PCDH9: variants seen among roughly 807,000 people sequenced by gnomAD.
PCDH9 encodes protocadherin-9.
PCDH9 carries 24 observed loss-of-function variants against 70.6 expected under a neutral mutation model. The ratio of observed to expected loss-of-function variants is 0.34; its 90% CI spans 0.25 to 0.48. The LOEUF (loss-of-function observed/expected upper bound fraction) is 0.48, where lower values mean the gene tolerates loss of function less well. Ranked by LOEUF, PCDH9 falls within the 20% of genes least tolerant of loss-of-function variation. The probability of loss-of-function intolerance (pLI) is 0.99; values close to 1 mark genes in which losing one functional copy is unlikely to be tolerated. For missense variants in PCDH9, 1,281 were observed against 1,503.6 expected, an observed-to-expected ratio of 0.85 and a Z score of 2.45; for synonymous variants, 562 against 558.5, an observed-to-expected ratio of 1.01 and a Z score of -0.09.
At chr13:66,873,509 T>C (rs2081737085) in intron 3 of PCDH9, among the ~76,000 whole-genome samples, 1 of 152,190 alleles carries the variant, frequency 6.6e-6, no homozygotes, top group African/African-American at 2.4e-5. Context: ...GATATTCTAC[T>C]GTGGTTCTCC....
chr13:66,520,114 CT>C (rs1411050631), intron 4 of PCDH9, among the ~76,000 whole-genome samples: 4 of 152,190 alleles, frequency 2.6e-5, no homozygotes, highest in African/African-American at 9.6e-5. Context: ...GCAGGGCTCT[CT>C]GTGGCTTAAA....
chr13:66,598,384 G>A (rs1480608212), intron 4 of PCDH9, among the ~76,000 whole-genome samples: 1 of 151,802 alleles, frequency 6.6e-6, no homozygotes, highest in Non-Finnish European at 1.5e-5. Context: ...CAAAAGACAA[G>A]TTGATAGAGA....
At position 66,923,408 on chromosome 13, in the gene PCDH9, C is replaced by T. The variant is rs1227799089; in HGVS notation, c.3037-19803G>A. Among the ~76,000 whole-genome samples, 5 of 151,490 alleles carry T rather than the reference C, an allele frequency of 3.3e-5. No homozygotes were observed. In the East Asian group the frequency reaches 9.7e-4, roughly 29 times the overall value. Reference sequence around the variant, plus strand: ...TCTTTCTAAAAATTTTGTATTCAAACATTTTTAATCTGTAAATTGAATTAT... The same window carrying T: ...TCTTTCTAAAAATTTTGTATTCAAATATTTTTAATCTGTAAATTGAATTAT... On this transcript the variant is annotated intron_variant, in intron 2 of 4. Transcript: ENST00000377865.
intron 2 of PCDH9, among the ~76,000 whole-genome samples, chr13:67,189,065 T>A (rs541912841): frequency 6.6e-6 from 1 of 152,124 alleles, no homozygotes; most frequent in South Asian, 2.1e-4. Context: ...CCTGAGTTAC[T>A]TCACTTAGAA....
chr13:67,205,997 C>A (rs1163719766), intron 2 of PCDH9: 2 of 152,112 alleles, frequency 1.3e-5, no homozygotes, highest in Non-Finnish European at 2.9e-5. Context: ...GGCGTCACCA[C>A]GCCTGGATAT....
At chr13:66,575,917 T>C (rs987931231) in intron 4 of PCDH9, among the ~76,000 whole-genome samples, 34 of 152,092 alleles carry the variant, frequency 2.2e-4, no homozygotes, top group African/African-American at 7.0e-4. Flanking sequence ...TAGTAACTGC[T>C]TACTAAATAT....
chr13:66,436,663 A>G (rs1194037323), intron 4 of PCDH9, among the ~76,000 whole-genome samples: 1 of 152,184 alleles, frequency 6.6e-6, no homozygotes, highest in Non-Finnish European at 1.5e-5. Context: ...TTGACTTTGG[A>G]AACCTAGACT....
chr13:66,822,738 G>C (rs1056595909), intron 3 of PCDH9, among the ~76,000 whole-genome samples: 10 of 151,838 alleles, frequency 6.6e-5, no homozygotes, highest in African/African-American at 2.4e-4. Flanking sequence ...GTTGGCCCCT[G>C]ACCTAAAGTG....
At chr13:66,587,217 G>C (rs1189748217) in intron 4 of PCDH9, among the ~76,000 whole-genome samples, 1 of 151,956 alleles carries the variant, frequency 6.6e-6, no homozygotes, top group Non-Finnish European at 1.5e-5. Context: ...AGGATCCCTT[G>C]AGCCCACAGG....
intron 2 of PCDH9, among the ~76,000 whole-genome samples, chr13:66,920,423 T>C (rs2082620059): frequency 6.6e-6 from 1 of 151,132 alleles, no homozygotes; most frequent in Non-Finnish European, 1.5e-5. Flanking sequence ...CAATTTACAG[T>C]GTATTTTGCA....
In PCDH9 at chr13:66,700,947, T is replaced by C. The variant is rs1020480243; in HGVS notation, c.3139-69536A>G. On this transcript the variant is annotated intron_variant, in intron 3 of 4. Transcript: ENST00000377865. ...AAATATATATATATATATATATATA[T>C]ATATATATATATATATATATATACT... Among the ~76,000 whole-genome samples, 40 of 133,290 alleles carry C rather than the reference T, an allele frequency of 3.0e-4. 1 individual carries two copies. Among genetic ancestry groups the C allele is most frequent in the African/African-American group, 1.0e-3 (37 of 35,532 alleles). The allele number at this position is 133,290 out of a possible 152,430, so 87.4% of individuals were successfully genotyped here.
intron 2 of PCDH9, among the ~76,000 whole-genome samples, chr13:67,171,979 C>G (rs2088299005): frequency 6.6e-6 from 1 of 152,118 alleles, no homozygotes; most frequent in Middle Eastern, 3.2e-3. Flanking sequence ...TAAGAGAGCA[C>G]AATATAATAG....
chr13:67,215,186 A>T (rs537484465), intron 2 of PCDH9: 1 of 151,622 alleles, frequency 6.6e-6, no homozygotes, highest in South Asian at 2.1e-4. Context: ...AGGCCAAATA[A>T]TCCCAAAGGT....
intron 4 of PCDH9, among the ~76,000 whole-genome samples, chr13:66,545,750 TAATC>T (rs1489589822): frequency 6.6e-6 from 1 of 152,138 alleles, no homozygotes; most frequent in Non-Finnish European, 1.5e-5. Context: ...ATAATGATAA[TAATC>T]TACTCTGTTA....
At chr13:67,016,616 T>A (rs2084566971) in intron 2 of PCDH9, among the ~76,000 whole-genome samples, 1 of 152,104 alleles carries the variant, frequency 6.6e-6, no homozygotes, top group South Asian at 2.1e-4. Flanking sequence ...TGAAAATGAG[T>A]TTTGGTCTCA....
At chr13:67,160,749 A>G (rs2087935719) in intron 2 of PCDH9, among the ~76,000 whole-genome samples, 1 of 152,190 alleles carries the variant, frequency 6.6e-6, no homozygotes, top group Non-Finnish European at 1.5e-5. Context: ...CCTCTTAAGA[A>G]AAGTTACTTA....
chr13:66,711,431 A>G (rs945354248), intron 3 of PCDH9, among the ~76,000 whole-genome samples: 1 of 152,000 alleles, frequency 6.6e-6, no homozygotes, highest in African/African-American at 2.4e-5. Context: ...CAACAACCAA[A>G]GTATTGCAGC....
intron 3 of PCDH9, among the ~76,000 whole-genome samples, chr13:66,689,410 A>G (rs1198183956): frequency 6.6e-6 from 1 of 152,138 alleles, no homozygotes; most frequent in Non-Finnish European, 1.5e-5. Flanking sequence ...AACTGTTCTC[A>G]CTCACATCAC....
intron 2 of PCDH9, among the ~76,000 whole-genome samples, chr13:67,175,802 A>T (rs1385283101): frequency 1.3e-5 from 2 of 152,168 alleles, no homozygotes; most frequent in East Asian, 3.8e-4. Context: ...AACTAGTTCT[A>T]AAGAGAATTA....
Sources: gnomAD v4.1 joint callset for allele counts (sites outside exome capture counted in the v4.1 genomes callset) on GRCh38, gnomAD v4.1.1 for gene constraint, MANE v1.5 for transcripts, NCBI Gene and HGNC (gene_info 2026-07-23, HGNC 2026-07-21) for gene names.